The following MATK variants were observed in gnomAD, a reference collection of about 807,000 sequenced individuals.
MATK encodes the protein megakaryocyte-associated tyrosine-protein kinase.
Under a neutral mutation model 59.8 loss-of-function variants are expected in MATK, and 41 were observed. The observed-to-expected ratio is 0.69, with a 90% CI of 0.53 to 0.89. The LOEUF (loss-of-function observed/expected upper bound fraction) is 0.89. Ranked by LOEUF, MATK falls within the 40% of genes least tolerant of loss-of-function variation. MATK has a pLI of 0.00. For synonymous variants in MATK, 308 were observed against 306.1 expected (o/e 1.01, Z -0.06); for missense variants, 593 against 719.6 (o/e 0.82, Z 2.01).
intron 7 of MATK, chr19:3,782,762 G>A (rs529881149): frequency 1.1e-4 from 32 of 286,998 alleles, no homozygotes; most frequent in Middle Eastern, 1.1e-3. Context: ...GGAAGGAGGC[G>A]GTCTGATGGG....
rs746689148 is a variant in MATK at position 3,778,293 on chromosome 19, G to A, written c.1414C>T (p.Arg472Cys). The A allele has an allele frequency of 3.4e-5, 54 of 1,575,758 alleles. No homozygotes were observed. Among genetic ancestry groups the A allele is most frequent in the Middle Eastern group, 1.7e-4 (1 of 5,908 alleles). The change falls in exon 14 of 14, where the codon CGC becomes TGC. Residue 472 changes from arginine to cysteine, a missense_variant. By Grantham distance (180) the Arg-to-Cys change is radical (BLOSUM62 -3). Transcript: ENST00000310132. ...CGGGCCAGCTTCTCGGCCAGTTTGCGGAAGGGTGGCCGGCGGGCGGGCTCT... is the reference window on the plus strand; with the variant it reads ...CGGGCCAGCTTCTCGGCCAGTTTGCAGAAGGGTGGCCGGCGGGCGGGCTCT... ...EAEPARRPPF[R>C]KLAEKLAREL...
intron 1 of MATK, among the ~76,000 whole-genome samples, chr19:3,792,355 G>A (rs1219925311): frequency 6.6e-6 from 1 of 152,076 alleles, no homozygotes; most frequent in African/African-American, 2.4e-5. Flanking sequence ...TTATCAGTCA[G>A]GGTTGGGATT....
At chr19:3,784,996 T>A in intron 2 of MATK, 68 bp downstream of exon 2, 1 of 1,521,748 alleles carries the variant, frequency 6.6e-7, no homozygotes, top group Non-Finnish European at 9.1e-7. Flanking sequence ...AGAGAGAGCC[T>A]CCCCAGAGGC....
At chr19:3,799,707 G>T (rs1283093485) in intron 1 of MATK, among the ~76,000 whole-genome samples, 1 of 151,414 alleles carries the variant, frequency 6.6e-6, no homozygotes, top group Non-Finnish European at 1.5e-5. Flanking sequence ...TGGGTGTGGT[G>T]GTGGGCGCCT....
intron 1 of MATK, among the ~76,000 whole-genome samples, chr19:3,791,855 C>T (rs1442179695): frequency 6.6e-6 from 1 of 151,920 alleles, no homozygotes; most frequent in Non-Finnish European, 1.5e-5. Context: ...CACCTGTAAT[C>T]CCAGCACTTT....
chr19:3,790,759 T>G (rs372015991), upstream of MATK, among the ~76,000 whole-genome samples: 4 of 152,212 alleles, frequency 2.6e-5, no homozygotes, highest in East Asian at 7.7e-4. Flanking sequence ...ACACAACTCA[T>G]GTGGCACCAT....
chr19:3,788,698 C>T (rs888323967), upstream of MATK, among the ~76,000 whole-genome samples: 4 of 151,316 alleles, frequency 2.6e-5, no homozygotes, highest in East Asian at 1.9e-4. Flanking sequence ...TGCACTCAAA[C>T]GATCCTCCAA....
upstream of MATK, among the ~76,000 whole-genome samples, chr19:3,790,738 C>T (rs1295709597): frequency 6.6e-6 from 1 of 152,216 alleles, no homozygotes; most frequent in Non-Finnish European, 1.5e-5. Flanking sequence ...TCTCCAAGCT[C>T]ACTCTCCCAC....
At position 3,778,221 on chromosome 19, in the gene MATK, C is replaced by T. The variant is rs35351680; in HGVS notation, c.1486G>A (p.Ala496Thr). 64,682 of 1,571,506 alleles carry T rather than the reference C, an allele frequency of 0.041. 1,570 individuals carry two copies. Among genetic ancestry groups the T allele is most frequent in the Middle Eastern group, 0.062 (363 of 5,900 alleles). ...GAPASVSGQD[A>T]DGSTSPRSQE... The stretch of plus-strand genomic sequence containing the variant: ...CTTCGGGGCGAGGTGGAGCCGTCGG[C>T]GTCCTGCCCTGAGACGGAGGCTGGG... Residue 496 changes from alanine (A) to threonine (T), a missense_variant, in exon 14 of 14, where the codon GCC becomes ACC. Physicochemically the swap from Ala to Thr is moderately conservative, Grantham distance 58. Coordinates refer to ENST00000310132, the MANE Select transcript of MATK (RefSeq NM_139355.3).
chr19:3,779,052 C>T lies in MATK; in HGVS notation c.1137G>A (p.Lys379=). 1.2e-6 allele frequency: 2 copies of T among 1,605,510 alleles called. No homozygotes were observed. Among genetic ancestry groups the T allele is most frequent in the Admixed American group, 1.7e-5 (1 of 59,650 alleles). The change falls in exon 12 of 14, where the codon AAG becomes AAA. Residue 379 remains lysine, a synonymous_variant. Coordinates refer to ENST00000310132, the MANE Select transcript of MATK (RefSeq NM_139355.3). ...CGGGCAGCCGGCTTGAGTCTAGCCC[C>T]TTCCGCTCGGCTTTGGCCAGGCCAA... ...SDFGLAKAER[K]GLDSSRLPVK...
chr19:3,781,598 G>A lies in MATK; in HGVS notation c.742+9C>T, dbSNP rs768440305. 1.9e-5 allele frequency: 30 copies of A among 1,613,498 alleles called. No individual in the cohort carries two copies. Among genetic ancestry groups the A allele is most frequent in the Middle Eastern group, 3.3e-4 (2 of 6,084 alleles). ...TCCTTCAGCACCCCCAACCCAGTCC[G>A]CCACTCACCTCCAAACTCTCCCTCT... On this transcript the variant is annotated intron_variant, in intron 8 of 13. Transcript: ENST00000310132.
At chr19:3,785,311 G>T in intron 1 of MATK, 25 bp from the exon 2 acceptor site, 3 of 1,388,748 alleles carry the variant, frequency 2.2e-6, no homozygotes, top group Non-Finnish European at 2.9e-6. Flanking sequence ...GGGGCAGGGT[G>T]GGGAAATAGG....
chr19:3,799,230 C>T (rs949346729), intron 1 of MATK, among the ~76,000 whole-genome samples: 7 of 152,146 alleles, frequency 4.6e-5, no homozygotes, highest in Non-Finnish European at 8.8e-5. Flanking sequence ...TCACAGCTCT[C>T]TGCACAGTTG....
At chr19:3,784,798 C>A in intron 3 of MATK, 27 bp downstream of exon 3, 1 of 1,538,602 alleles carries the variant, frequency 6.5e-7, no homozygotes, top group Non-Finnish European at 8.8e-7. Flanking sequence ...ACCCGGGGAG[C>A]AGAGGAAGCA....
At chr19:3,784,303 G>T in intron 4 of MATK, 35 bp downstream of exon 4, 1 of 1,592,202 alleles carries the variant, frequency 6.3e-7, no homozygotes. Flanking sequence ...GGAGCCCCCA[G>T]CCCCAAGCAC....
intron 8 of MATK, among the ~76,000 whole-genome samples, chr19:3,780,899 CTTT>C (rs779317808): frequency 1.8e-4 from 27 of 150,838 alleles, no homozygotes; most frequent in Non-Finnish European, 3.4e-4. Flanking sequence ...CTGTGCCTGG[CTTT>C]TTTTTTGTAC....
upstream of MATK, among the ~76,000 whole-genome samples, chr19:3,788,097 T>TTAATATTATATTATA (rs747060842): frequency 1.5e-3 from 204 of 133,754 alleles, 1 homozygote; most frequent in African/African-American, 3.5e-3. Flanking sequence ...ATTATTAATA[T>TTAATATTATATTATA]TTATATTATA....
Position 3,778,574 on chromosome 19 carries a change from C to A in MATK, c.1219G>T (p.Val407Phe). The A allele has an allele frequency of 6.2e-7, 1 of 1,613,400 alleles. No homozygotes were observed. The highest frequency in any genetic ancestry group is 8.5e-7 in the Non-Finnish European group (1 of 1,179,740). ...CAGAGCAGCACCCCAAAACTCCAGA[C>A]ATCCGACTTGCTGGTGAACTTCTGT... Reference protein sequence around the residue: ...KHGKFTSKSDVWSFGVLLWEV... With the variant: ...KHGKFTSKSDFWSFGVLLWEV... The change falls in exon 13 of 14, where the codon GTC (valine) becomes TTC (phenylalanine). Residue 407 changes from valine (V) to phenylalanine (F), a missense_variant. Val to Phe is a conservative substitution (Grantham distance 50). Coordinates refer to ENST00000310132, the MANE Select transcript of MATK (RefSeq NM_139355.3).
rs201459758 is a variant in MATK at position 3,779,056 on chromosome 19, C to G, written c.1133G>C (p.Arg378Pro). 2 of 1,605,802 alleles carry G rather than the reference C, an allele frequency of 1.2e-6. No homozygotes were observed. The highest frequency in any genetic ancestry group is 1.7e-6 in the Non-Finnish European group (2 of 1,178,060). ...VSDFGLAKAE[R>P]KGLDSSRLPV... is the part of the protein sequence containing the mutation. Reference sequence around the variant, plus strand: ...CAGCCGGCTTGAGTCTAGCCCCTTCCGCTCGGCTTTGGCCAGGCCAAAGTC... The same window carrying G: ...CAGCCGGCTTGAGTCTAGCCCCTTCGGCTCGGCTTTGGCCAGGCCAAAGTC... The change falls in exon 12 of 14, where the codon CGG (arginine) becomes CCG (proline). Residue 378 changes from arginine to proline, a missense_variant. By Grantham distance (103) the Arg-to-Pro change is moderately radical. Transcript: ENST00000310132.
Sources: allele counts gnomAD v4.1 joint callset (sites outside exome capture counted in the v4.1 genomes callset), GRCh38; gene constraint gnomAD v4.1.1; transcripts MANE v1.5; gene names NCBI Gene and HGNC (gene_info 2026-07-23, HGNC 2026-07-21).